The following CRK variants were observed in gnomAD, a reference collection of about 807,000 sequenced individuals.
The protein encoded by CRK is CRK proto-oncogene, adaptor protein.
In CRK, 4 loss-of-function variants were observed where a neutral mutation model predicts 29.8. The ratio of observed to expected loss-of-function variants is 0.13; its 90% CI spans 0.07 to 0.31. CRK has a LOEUF of 0.31. CRK is among the 10% of genes least tolerant of loss of function. The pLI is 1.00. For missense variants in CRK, 274 were observed against 396.5 expected (o/e 0.69, Z 2.62); for synonymous variants, 153 against 164.9 (o/e 0.93, Z 0.55).
intron 2 of CRK, among the ~76,000 whole-genome samples, chr17:1,431,327 C>T (rs201564681): frequency 6.6e-6 from 1 of 152,122 alleles, no homozygotes; most frequent in East Asian, 1.9e-4. Context: ...CATTTTGCTC[C>T]AGTAAATGCA....
intron 2 of CRK, 51 bp downstream of exon 2, chr17:1,436,569 G>A (rs570514686): frequency 6.5e-7 from 1 of 1,538,714 alleles, no homozygotes; most frequent in Admixed American, 2.1e-5. Context: ...AGAGGACCGA[G>A]AGGAGACCCT....
At chr17:1,445,977 A>C (rs2073971529) in intron 1 of CRK, among the ~76,000 whole-genome samples, 2 of 152,158 alleles carry the variant, frequency 1.3e-5, no homozygotes, top group Admixed American at 6.5e-5. Flanking sequence ...GTTGGCCAGG[A>C]TGGTCTTGAT....
chr17:1,429,315 A>C (rs184518506), intron 2 of CRK, among the ~76,000 whole-genome samples: 1 of 147,872 alleles, frequency 6.8e-6, no homozygotes, highest in African/African-American at 2.5e-5. Flanking sequence ...CACTGTATTG[A>C]TCTCTCACCC....
At chr17:1,446,300 C>A (rs1316100294) in intron 1 of CRK, among the ~76,000 whole-genome samples, 1 of 152,126 alleles carries the variant, frequency 6.6e-6, no homozygotes, top group Admixed American at 6.6e-5. Flanking sequence ...CGCACTGTGT[C>A]CTGAGATACA....
chr17:1,430,559 A>G (rs374294259), intron 2 of CRK, among the ~76,000 whole-genome samples: 250 of 140,970 alleles, frequency 1.8e-3, no homozygotes, highest in East Asian at 3.8e-3. Context: ...TAGAGATGGG[A>G]TTTCACAGTA....
chr17:1,444,180 T>C (rs2073956316), intron 1 of CRK, among the ~76,000 whole-genome samples: 1 of 151,956 alleles, frequency 6.6e-6, no homozygotes, highest in South Asian at 2.1e-4. Flanking sequence ...TAAACTGCAG[T>C]AGCTATGCAC....
chr17:1,437,745 C>T (rs1797056039), intron 1 of CRK, among the ~76,000 whole-genome samples: 1 of 151,854 alleles, frequency 6.6e-6, no homozygotes, highest in Non-Finnish European at 1.5e-5. Flanking sequence ...CCTCTGCCTC[C>T]CGGGTTCAAG....
At chr17:1,454,462 G>A (rs1336363572) in intron 1 of CRK, among the ~76,000 whole-genome samples, 4 of 152,172 alleles carry the variant, frequency 2.6e-5, no homozygotes, top group African/African-American at 9.7e-5. Flanking sequence ...ATCGCCGTGA[G>A]CCGAGATTGC....
chr17:1,451,174 C>G (rs1204298993), intron 1 of CRK, among the ~76,000 whole-genome samples: 1 of 106,032 alleles, frequency 9.4e-6, no homozygotes, highest in Non-Finnish European at 1.7e-5. Context: ...GCCTCGGTGA[C>G]AGAGCGAGAA....
At position 1,452,563 on chromosome 17, in the gene CRK, G is replaced by A. The variant is rs548444444; in HGVS notation, c.241+3314C>T. On this transcript the variant is annotated intron_variant, in intron 1 of 2. Transcript: ENST00000300574. ...AGCACTTTGGGAGGCCGAGGTGGGT[G>A]GATGATCAGAGTTCAGCAGTTCGAG... is the stretch of plus-strand genomic sequence containing the variant. Among the ~76,000 whole-genome samples the A allele has an allele frequency of 2.0e-5, 3 of 152,182 alleles. 1 individual carries two copies. The South Asian group carries it at 6.2e-4, about 32-fold the overall frequency.
intron 1 of CRK, among the ~76,000 whole-genome samples, chr17:1,439,477 G>A (rs2073917898): frequency 6.6e-6 from 1 of 151,974 alleles, no homozygotes; most frequent in Admixed American, 6.6e-5. Flanking sequence ...TATTTTCATT[G>A]GATTTTTCAC....
chr17:1,427,126 G>GA lies in CRK; in HGVS notation c.778-3477dup, dbSNP rs764041078. ...CAACAATAGCAAGACTGTGTCTCTT[G>GA]AAAAAAAAAAAAAAATTAGTAAGGT... On this transcript the variant is annotated intron_variant, in intron 2 of 2. Coordinates refer to ENST00000300574, the MANE Select transcript of CRK (RefSeq NM_016823.4). 6.5e-3 allele frequency among the ~76,000 whole-genome samples: 684 copies of GA among 105,948 alleles called. 1 individual carries two copies. The highest frequency in any genetic ancestry group is 0.015 in the East Asian group (46 of 3,168). The allele number at this position is 105,948 out of a possible 152,430, so 69.5% of individuals were successfully genotyped here.
chr17:1,428,815 C>A (rs1439805444), intron 2 of CRK, among the ~76,000 whole-genome samples: 1 of 151,642 alleles, frequency 6.6e-6, no homozygotes, highest in African/African-American at 2.4e-5. Flanking sequence ...AGCCACCACG[C>A]CCGGCTCAGA....
chr17:1,430,658 C>A (rs960817172), intron 2 of CRK, among the ~76,000 whole-genome samples: 1 of 151,682 alleles, frequency 6.6e-6, no homozygotes, highest in Non-Finnish European at 1.5e-5. Context: ...AGCCACCACA[C>A]CCAGCCTGAT....
intron 1 of CRK, among the ~76,000 whole-genome samples, chr17:1,448,617 T>C (rs1176461552): frequency 1.5e-5 from 1 of 66,600 alleles, no homozygotes; most frequent in Non-Finnish European, 2.4e-5. Flanking sequence ...CAAGACTCCA[T>C]CTCAAAAAAA....
At chr17:1,452,929 C>T (rs2074029687) in intron 1 of CRK, among the ~76,000 whole-genome samples, 1 of 151,996 alleles carries the variant, frequency 6.6e-6, no homozygotes, top group East Asian at 1.9e-4. Context: ...TACCGTGAGA[C>T]CCCTCATCTC....
At chr17:1,440,853 G>A (rs544733033) in intron 1 of CRK, among the ~76,000 whole-genome samples, 6 of 152,274 alleles carry the variant, frequency 3.9e-5, no homozygotes, top group African/African-American at 1.2e-4. Context: ...ACCGTGAGTC[G>A]TGATCATGCC....
intron 1 of CRK, among the ~76,000 whole-genome samples, chr17:1,441,285 C>T (rs915944711): frequency 6.6e-6 from 1 of 151,930 alleles, no homozygotes. Flanking sequence ...ATCTTAAACT[C>T]CTGGGTCCAG....
chr17:1,437,198 C>G, intron 1 of CRK, 43 bp from the exon 2 acceptor site: 1 of 1,519,238 alleles, frequency 6.6e-7, no homozygotes, highest in Non-Finnish European at 8.8e-7. Flanking sequence ...ATGTACTACA[C>G]TGGAAATGAA....
Sources: gnomAD v4.1 joint callset for allele counts (sites outside exome capture counted in the v4.1 genomes callset) on GRCh38, gnomAD v4.1.1 for gene constraint, MANE v1.5 for transcripts, NCBI Gene and HGNC (gene_info 2026-07-23, HGNC 2026-07-21) for gene names.